Variants in MLXIPL observed in about 807,000 individuals in gnomAD.
MLXIPL encodes carbohydrate-responsive element-binding protein.
Under a neutral mutation model 81.5 loss-of-function variants are expected in MLXIPL, and 49 were observed. The observed-to-expected ratio is 0.60, with a 90% CI of 0.48 to 0.76. The LOEUF is 0.76. MLXIPL is among the 30% of genes least tolerant of loss of function. The pLI is 0.00. For synonymous variants in MLXIPL, 466 were observed against 485.5 expected (o/e 0.96, Z 0.53); for missense variants, 1,053 against 1,167.0 (o/e 0.90, Z 1.42).
chr7:73,612,186 C>A (rs1795729259), intron 2 of MLXIPL, among the ~76,000 whole-genome samples: 2 of 151,734 alleles, frequency 1.3e-5, no homozygotes, highest in South Asian at 4.1e-4. Flanking sequence ...TAAAAAATAG[C>A]TGGGTGTGGG....
At chr7:73,624,945 C>T (rs1796648480), upstream of MLXIPL, among the ~76,000 whole-genome samples, 1 of 152,082 alleles carries the variant, frequency 6.6e-6, no homozygotes, top group Non-Finnish European at 1.5e-5. Context: ...CCTGTAATAC[C>T]AGCTACTGGG....
chr7:73,601,923 C>T (rs757559113), intron 7 of MLXIPL, among the ~76,000 whole-genome samples: 4 of 152,070 alleles, frequency 2.6e-5, no homozygotes, highest in Non-Finnish European at 5.9e-5. Context: ...GGGGTCTGCA[C>T]GCAGCCTCTG....
chr7:73,619,265 A>T (rs1796175752), intron 1 of MLXIPL, among the ~76,000 whole-genome samples: 1 of 151,810 alleles, frequency 6.6e-6, no homozygotes, highest in Non-Finnish European at 1.5e-5. Context: ...GTTCGAGATC[A>T]GCCTGGCTAA....
chr7:73,606,041 A>T lies in MLXIPL; in HGVS notation c.689T>A (p.Leu230Gln). 1 of 1,590,748 alleles carries T rather than the reference A, an allele frequency of 6.3e-7. No homozygotes were observed. The highest frequency in any genetic ancestry group is 8.6e-7 in the Non-Finnish European group (1 of 1,168,616). ...ACCCGGCTCCTCCTCTGGGTCCCCC[A>T]GCAGCACGGGGACCACACTGGAGAA... ...QLFSSVVPVL[L>Q]GDPEEEPGGR... is the part of the protein sequence containing the mutation. The change falls in exon 6 of 17, where the codon CTG (leucine) becomes CAG (glutamine). Residue 230 changes from leucine to glutamine, a missense_variant. Physicochemically the swap from Leu to Gln is moderately radical, Grantham distance 113. Around this residue, in one of 3 missense-constraint regions of MLXIPL, gnomAD observed 823 missense variants for 933.0 expected, o/e 0.88. Coordinates refer to ENST00000313375, the MANE Select transcript of MLXIPL (RefSeq NM_032951.3).
intron 1 of MLXIPL, among the ~76,000 whole-genome samples, chr7:73,620,094 C>T (rs1177465729): frequency 2.0e-5 from 3 of 151,500 alleles, no homozygotes; most frequent in Non-Finnish European, 4.4e-5. Flanking sequence ...TACAGTGAGA[C>T]CTTATCTCTA....
the MLXIPL span, among the ~76,000 whole-genome samples, chr7:73,638,140 C>A: frequency 6.6e-6 from 1 of 152,138 alleles, no homozygotes; most frequent in South Asian, 2.1e-4. Flanking sequence ...TCTGCCTGGC[C>A]CTTGGCAGGA....
intron 2 of MLXIPL, among the ~76,000 whole-genome samples, chr7:73,608,199 C>T (rs1376814483): frequency 6.6e-6 from 1 of 152,100 alleles, no homozygotes; most frequent in Non-Finnish European, 1.5e-5. Flanking sequence ...CCTCCCACAC[C>T]TTCTCTGGGT....
Position 73,596,565 on chromosome 7 carries a change from C to T in MLXIPL, c.1822+74G>A. On this transcript the variant is annotated intron_variant, in intron 11 of 16. Coordinates refer to ENST00000313375, the MANE Select transcript of MLXIPL (RefSeq NM_032951.3). The surrounding 1 kb of genome is among the most constrained non-coding windows in gnomAD (Gnocchi z 4.7). ...CCCCTTCCTCTCATCTGGCCCCAGA[C>T]CCAGTCCCCTTCTTCTTCCTCCTCT... 6.2e-7 allele frequency: 1 copy of T among 1,600,074 alleles called. No homozygotes were observed. The highest frequency in any genetic ancestry group is 1.7e-5 in the Admixed American group (1 of 57,696).
rs781880339 is a variant in MLXIPL at position 73,596,289 on chromosome 7, T to A, written c.1939-17A>T. On this transcript the variant is annotated splice_polypyrimidine_tract_variant and intron_variant, in intron 12 of 16. Coordinates refer to ENST00000313375, the MANE Select transcript of MLXIPL (RefSeq NM_032951.3). The surrounding 1 kb of genome is among the most constrained non-coding windows in gnomAD (Gnocchi z 4.7). ...GTTCTCGGTCTCGGGGAGCAGAGAG[T>A]TGGGTGAGCCTAGGAAGGAGCCCAG... The A allele has an allele frequency of 6.2e-7, 1 of 1,609,958 alleles. No homozygotes were observed. The highest frequency in any genetic ancestry group is 1.7e-5 in the Admixed American group (1 of 59,456).
In MLXIPL at chr7:73,593,756, G is replaced by A; in HGVS notation, c.*109C>T. 1 of 1,013,142 alleles carries A rather than the reference G, an allele frequency of 9.9e-7. No individual in the cohort carries two copies. The allele number at this position is 1,013,142 out of a possible 1,614,324, so 62.8% of individuals were successfully genotyped here. ...CTGCTCCACCCCCCAGGGAAGGGCA[G>A]AGCCAGGGCCTGGGGCAGGAAGGGA... On this transcript the variant is annotated 3_prime_UTR_variant, in exon 17 of 17. Transcript: ENST00000313375.
At chr7:73,639,459 T>C in the MLXIPL span, among the ~76,000 whole-genome samples, 3 of 152,298 alleles carry the variant, frequency 2.0e-5, no homozygotes, top group Non-Finnish European at 1.5e-5. Context: ...GGAAATACTA[T>C]GCAGGTGTTA....
intron 2 of MLXIPL, among the ~76,000 whole-genome samples, chr7:73,615,653 G>A (rs1306618301): frequency 2.6e-5 from 4 of 152,048 alleles, no homozygotes; most frequent in Non-Finnish European, 5.9e-5. Context: ...GGTGGCTCAC[G>A]CCTGTAATCC....
intron 1 of MLXIPL, among the ~76,000 whole-genome samples, chr7:73,621,484 T>C (rs1554602044): frequency 6.6e-6 from 1 of 151,890 alleles, no homozygotes; most frequent in East Asian, 1.9e-4. Context: ...ACTCTCTGCC[T>C]TACTGTCTCT....
At chr7:73,638,530 C>T in the MLXIPL span, among the ~76,000 whole-genome samples, 2 of 152,168 alleles carry the variant, frequency 1.3e-5, no homozygotes, top group Non-Finnish European at 2.9e-5. Context: ...GATCTGCCCA[C>T]CTTGGCCTCC....
the MLXIPL span, among the ~76,000 whole-genome samples, chr7:73,630,218 C>T: frequency 4.0e-5 from 6 of 150,652 alleles, no homozygotes; most frequent in Admixed American, 1.3e-4. Context: ...AGGAAGGTCT[C>T]GATCTCTTGA....
chr7:73,597,516 A>C lies in MLXIPL; in HGVS notation c.1269T>G (p.Ala423=). 7.2e-7 allele frequency: 1 copy of C among 1,383,520 alleles called. No homozygotes were observed. The highest frequency in any genetic ancestry group is 9.4e-7 in the Non-Finnish European group (1 of 1,066,096). The allele number at this position is 1,383,520 out of a possible 1,614,324, so 85.7% of individuals were successfully genotyped here. The change falls in exon 9 of 17, where the codon GCT becomes GCG. Residue 423 remains alanine, a synonymous_variant. Transcript: ENST00000313375. The part of the protein sequence containing the change: ...PPFPPMAPPT[A]LLQEEPLFSP... ...AGAAGAGAGGCTCTTCCTGCAGCAA[A>C]GCAGTGGGTGGTGCCATGGGAGGGA...
the MLXIPL span, among the ~76,000 whole-genome samples, chr7:73,646,128 C>T: frequency 7.7e-4 from 118 of 152,288 alleles, no homozygotes; most frequent in Middle Eastern, 3.4e-3. Context: ...CCTCTCCCAG[C>T]CCCTGACAAA....
rs1796572076 is a variant in MLXIPL, at chr7:73,624,226, G to A, written c.267C>T (p.Leu89=). ...PRSIDPTLTR[L]FECLSLAYSG... ...TGTAGGCCAGGCTCAAGCACTCGAA[G>A]AGGCGTGTGAGTGTGGGGTCGATAC... The change falls in exon 1 of 17, where the codon CTC becomes CTT. Residue 89 remains leucine (L), a synonymous_variant. Transcript: ENST00000313375. The A allele has an allele frequency of 6.3e-7, 1 of 1,591,756 alleles. No individual in the cohort carries two copies. Among genetic ancestry groups the A allele is most frequent in the Admixed American group, 1.7e-5 (1 of 58,118 alleles).
chr7:73,640,851 C>G, the MLXIPL span, among the ~76,000 whole-genome samples: 1 of 151,864 alleles, frequency 6.6e-6, no homozygotes, highest in Non-Finnish European at 1.5e-5. Flanking sequence ...CTTGAGGACC[C>G]CAAAGTCCAG....
Sources: allele counts gnomAD v4.1 joint callset (sites outside exome capture counted in the v4.1 genomes callset), GRCh38; gene constraint gnomAD v4.1.1; regional missense constraint gnomAD v4.1.1; non-coding constraint Gnocchi (gnomAD v3.1); transcripts MANE v1.5; gene names NCBI Gene and HGNC (gene_info 2026-07-23, HGNC 2026-07-21).